Variants in CCDC102B observed in about 807,000 individuals in gnomAD.
CCDC102B encodes the protein coiled-coil domain containing 102B.
In CCDC102B, 75 loss-of-function variants were observed where a neutral mutation model predicts 57.4. The observed-to-expected ratio is 1.31, with a 90% CI of 1.08 to 1.58. The LOEUF is 1.58. CCDC102B is among the 40% of genes most tolerant of loss of function. The pLI, the probability that CCDC102B is intolerant of heterozygous loss-of-function variation, is 0.00. For missense variants in CCDC102B, 636 were observed against 582.6 expected, an observed-to-expected ratio of 1.09 and a Z score of -0.94; for synonymous variants, 206 against 201.9, an observed-to-expected ratio of 1.02 and a Z score of -0.17.
In CCDC102B at chr18:68,897,282, A is replaced by G; in HGVS notation, c.1117A>G (p.Lys373Glu). Reference protein sequence around the residue: ...WDKREILEREKQGLERENRRL... With the variant: ...WDKREILEREEQGLERENRRL... Reference sequence around the variant, plus strand: ...CAAGAGGGAAATACTTGAAAGAGAAAAGCAGGGACTGGAGAGAGAAAATAG... The same window carrying G: ...CAAGAGGGAAATACTTGAAAGAGAAGAGCAGGGACTGGAGAGAGAAAATAG... The change falls in exon 6 of 8, where the codon AAG (lysine) becomes GAG (glutamate). Residue 373 changes from lysine to glutamate, a missense_variant. Transcript: ENST00000360242. The G allele has an allele frequency of 6.2e-7, 1 of 1,613,174 alleles. No individual in the cohort carries two copies. Among genetic ancestry groups the G allele is most frequent in the Non-Finnish European group, 8.5e-7 (1 of 1,179,320 alleles).
At chr18:69,042,537 C>T (rs1285283770) in intron 7 of CCDC102B, among the ~76,000 whole-genome samples, 1 of 152,044 alleles carries the variant, frequency 6.6e-6, no homozygotes, top group Non-Finnish European at 1.5e-5. Flanking sequence ...CTAACAAAAT[C>T]GTGGTGATCT....
At chr18:68,803,459 C>T (rs1334566193) in intron 1 of CCDC102B, among the ~76,000 whole-genome samples, 1 of 152,052 alleles carries the variant, frequency 6.6e-6, no homozygotes, top group Non-Finnish European at 1.5e-5. Context: ...TTGAAATAAC[C>T]AGGGAATGTC....
chr18:68,786,144 TG>T (rs1568249172), intron 2 of CCDC102B, among the ~76,000 whole-genome samples: 1 of 148,630 alleles, frequency 6.7e-6, no homozygotes, highest in Non-Finnish European at 1.5e-5. Flanking sequence ...GTTGTAGATA[TG>T]TGGCATTATT....
upstream of CCDC102B, among the ~76,000 whole-genome samples, chr18:68,796,625 C>A (rs1369070167): frequency 6.6e-6 from 1 of 151,934 alleles, no homozygotes; most frequent in African/African-American, 2.4e-5. Flanking sequence ...ATATGTGATG[C>A]ACACCAAAGG....
At chr18:68,794,682 A>G (rs564784566), upstream of CCDC102B, among the ~76,000 whole-genome samples, 1 of 152,254 alleles carries the variant, frequency 6.6e-6, no homozygotes, top group South Asian at 2.1e-4. Context: ...TCTTTATCAT[A>G]TGCCCCCAAG....
intron 1 of CCDC102B, among the ~76,000 whole-genome samples, chr18:68,835,724 C>T (rs1253635643): frequency 6.6e-6 from 1 of 152,190 alleles, no homozygotes; most frequent in Non-Finnish European, 1.5e-5. Flanking sequence ...AAATCAGTCT[C>T]TTATCTTCAT....
At chr18:69,051,262 G>C (rs112047775) in intron 7 of CCDC102B, among the ~76,000 whole-genome samples, 1 of 151,814 alleles carries the variant, frequency 6.6e-6, no homozygotes, top group African/African-American at 2.4e-5. Flanking sequence ...TAACTTTAAA[G>C]TATTACTTTT....
At chr18:68,723,755 G>A (rs190715759) in intron 2 of CCDC102B, among the ~76,000 whole-genome samples, 1 of 152,288 alleles carries the variant, frequency 6.6e-6, no homozygotes, top group African/African-American at 2.4e-5. Flanking sequence ...TTCACAGGCT[G>A]GTGTTGAAAG....
chr18:68,951,060 T>C (rs1164072284), intron 6 of CCDC102B, among the ~76,000 whole-genome samples: 1 of 152,068 alleles, frequency 6.6e-6, no homozygotes, highest in East Asian at 1.9e-4. Context: ...ACTGATTGTG[T>C]AGGATTTGAA....
chr18:69,056,879 A>T (rs1474474317), downstream of CCDC102B, among the ~76,000 whole-genome samples: 1 of 152,036 alleles, frequency 6.6e-6, no homozygotes, highest in African/African-American at 2.4e-5. Flanking sequence ...CAGAAAGCTG[A>T]AAATTCTATG....
chr18:68,943,658 C>T (rs368680299), intron 6 of CCDC102B, among the ~76,000 whole-genome samples: 5 of 152,136 alleles, frequency 3.3e-5, no homozygotes, highest in African/African-American at 1.2e-4. Flanking sequence ...GAGATTTACA[C>T]ATCCAATGCT....
intron 6 of CCDC102B, among the ~76,000 whole-genome samples, chr18:68,994,545 C>T (rs1046791051): frequency 1.3e-5 from 2 of 151,764 alleles, no homozygotes; most frequent in African/African-American, 2.4e-5. Context: ...TAAAGGGAGA[C>T]ACCAGGTGAA....
chr18:68,883,238 G>A (rs924353699), intron 5 of CCDC102B, among the ~76,000 whole-genome samples: 1 of 151,780 alleles, frequency 6.6e-6, no homozygotes, highest in Non-Finnish European at 1.5e-5. Context: ...GAAACCCAGT[G>A]TCTACTAAAA....
rs529229738 is a variant in CCDC102B, at chr18:68,857,255, T to A, written c.936+10834T>A. 5.7e-5 allele frequency among the ~76,000 whole-genome samples: 4 copies of A among 69,918 alleles called. 1 individual carries two copies. The highest frequency in any genetic ancestry group is 8.3e-5 in the Non-Finnish European group (3 of 36,188). The allele number at this position is 69,918 out of a possible 152,430, so 45.9% of individuals were successfully genotyped here. On this transcript the variant is annotated intron_variant, in intron 4 of 7. Transcript: ENST00000360242. ...TTATATATAAATATATATTTATTAT[T>A]TAAATATATAAATATATATATAATA... is the stretch of plus-strand genomic sequence containing the variant.
At chr18:68,937,317 CA>C (rs1193903412) in intron 6 of CCDC102B, among the ~76,000 whole-genome samples, 2 of 152,006 alleles carry the variant, frequency 1.3e-5, no homozygotes, top group Non-Finnish European at 2.9e-5. Context: ...AGATAAGCCT[CA>C]AAAAGATACT....
intron 5 of CCDC102B, among the ~76,000 whole-genome samples, chr18:68,896,201 A>G (rs2040235826): frequency 6.6e-6 from 1 of 152,070 alleles, no homozygotes; most frequent in Non-Finnish European, 1.5e-5. Context: ...CAGAAAAATT[A>G]TAGCAGACGA....
At chr18:68,752,479 GAAA>G (rs72175132) in intron 2 of CCDC102B, among the ~76,000 whole-genome samples, 10 of 137,722 alleles carry the variant, frequency 7.3e-5, no homozygotes, top group Non-Finnish European at 9.4e-5. Flanking sequence ...GAAAATGTCT[GAAA>G]AAAAAAAAAA....
intron 4 of CCDC102B, among the ~76,000 whole-genome samples, chr18:68,848,654 A>G (rs2037982574): frequency 6.6e-6 from 1 of 152,090 alleles, no homozygotes; most frequent in African/African-American, 2.4e-5. Flanking sequence ...TCCATGCTGA[A>G]TTTAATACTT....
intron 6 of CCDC102B, among the ~76,000 whole-genome samples, chr18:68,916,368 A>G (rs928954308): frequency 6.6e-6 from 1 of 152,034 alleles, no homozygotes; most frequent in Non-Finnish European, 1.5e-5. Context: ...CCATCAGCTC[A>G]CTCCATGATC....
Sources: allele counts gnomAD v4.1 joint callset (sites outside exome capture counted in the v4.1 genomes callset), GRCh38; gene constraint gnomAD v4.1.1; transcripts MANE v1.5; gene names NCBI Gene and HGNC (gene_info 2026-07-23, HGNC 2026-07-21).